ANO4: variants seen among roughly 807,000 people sequenced by gnomAD.
ANO4 encodes the protein anoctamin-4.
Under a neutral mutation model 141.9 loss-of-function variants are expected in ANO4, and 69 were observed. The observed-to-expected ratio is 0.49, with a 90% confidence interval of 0.40 to 0.59. The LOEUF (loss-of-function observed/expected upper bound fraction) is 0.59, where lower values mean the gene tolerates loss of function less well. Among genes scored for constraint, ANO4 ranks in the 20% least tolerant of loss-of-function variants. The pLI is 0.00. For missense variants in ANO4, 894 were observed against 1,162.2 expected (o/e 0.77, Z 3.36); for synonymous variants, 350 against 394.3 (o/e 0.89, Z 1.33).
intron 3 of ANO4, among the ~76,000 whole-genome samples, chr12:100,926,832 C>A (rs2041894285): frequency 6.6e-6 from 1 of 151,928 alleles, no homozygotes; most frequent in South Asian, 2.1e-4. Flanking sequence ...GAGAGATGCC[C>A]TGTAGAGGGA....
chr12:100,742,324 G>A (rs568871595), intron 3 of ANO4, among the ~76,000 whole-genome samples: 1 of 152,168 alleles, frequency 6.6e-6, no homozygotes, highest in South Asian at 2.1e-4. Context: ...GTATTTTTGT[G>A]TGAAAGCTTA....
In ANO4 at chr12:100,869,379, GT is replaced by G. The variant is rs1296225847; in HGVS notation, c.-140-32266del. Among the ~76,000 whole-genome samples the G allele has an allele frequency of 2.0e-5, 3 of 152,306 alleles. No individual in the cohort carries two copies. The East Asian group carries it at 5.8e-4, about 29-fold the overall frequency. ...AGGCAGTGAGAGGTGATAGGAATGA[GT>G]CCTGAGGGAATGACCAGCAGGTTAT... On this transcript the variant is annotated intron_variant, in intron 1 of 27. Transcript: ENST00000392977.
intron 16 of ANO4, among the ~76,000 whole-genome samples, chr12:101,085,173 A>C (rs1180190458): frequency 6.6e-6 from 1 of 152,252 alleles, no homozygotes; most frequent in Non-Finnish European, 1.5e-5. Flanking sequence ...TCTCTAAATC[A>C]GCAGAGGCCT....
At chr12:100,871,643 A>G (rs946232341) in intron 1 of ANO4, among the ~76,000 whole-genome samples, 1 of 152,222 alleles carries the variant, frequency 6.6e-6, no homozygotes, top group Non-Finnish European at 1.5e-5. Flanking sequence ...TATCTCTTGC[A>G]GTTTTGGAGG....
chr12:100,928,568 A>G (rs2041968488), intron 3 of ANO4, among the ~76,000 whole-genome samples: 1 of 152,150 alleles, frequency 6.6e-6, no homozygotes, highest in East Asian at 1.9e-4. Flanking sequence ...TCCAGAGCTC[A>G]TGCTCTTTCC....
chr12:100,817,987 C>A (rs914368798), intron 1 of ANO4, among the ~76,000 whole-genome samples: 25 of 151,530 alleles, frequency 1.6e-4, no homozygotes, highest in African/African-American at 5.8e-4. Context: ...GTGCAGAATT[C>A]ATCTAACTTT....
chr12:100,997,482 A>T (rs2045442243), intron 8 of ANO4, among the ~76,000 whole-genome samples: 2 of 151,858 alleles, frequency 1.3e-5, no homozygotes, highest in South Asian at 4.2e-4. Context: ...TTTGGAATTT[A>T]TTGTTAAAGC....
chr12:100,856,795 CAG>C (rs2038197391), intron 1 of ANO4, among the ~76,000 whole-genome samples: 1 of 151,986 alleles, frequency 6.6e-6, no homozygotes, highest in Admixed American at 6.6e-5. Flanking sequence ...ACATGTGAGG[CAG>C]AGAGTGGCAG....
intron 2 of ANO4, among the ~76,000 whole-genome samples, chr12:100,736,174 A>G (rs941290391): frequency 6.6e-6 from 1 of 152,128 alleles, no homozygotes; most frequent in Non-Finnish European, 1.5e-5. Flanking sequence ...CAGAGCTCTG[A>G]AAAGGGAGAG....
At chr12:101,008,504 G>A (rs78263693) in intron 8 of ANO4, among the ~76,000 whole-genome samples, 11 of 151,872 alleles carry the variant, frequency 7.2e-5, no homozygotes, top group African/African-American at 2.2e-4. Flanking sequence ...TCCTTTCAAC[G>A]TAGTTATATT....
chr12:100,792,732 A>G (rs2034088848), upstream of ANO4, among the ~76,000 whole-genome samples: 1 of 152,234 alleles, frequency 6.6e-6, no homozygotes, highest in East Asian at 1.9e-4. Flanking sequence ...ATGCATCATT[A>G]TAATGCTGTG....
chr12:100,944,374 TA>T (rs71437002), intron 5 of ANO4, among the ~76,000 whole-genome samples: 13 of 151,086 alleles, frequency 8.6e-5, no homozygotes, highest in South Asian at 2.1e-4. Context: ...TGTTGGAATT[TA>T]AAAAAAAAAT....
At chr12:100,750,928 G>C (rs926539432) in intron 3 of ANO4, among the ~76,000 whole-genome samples, 1 of 152,094 alleles carries the variant, frequency 6.6e-6, no homozygotes, top group Admixed American at 6.6e-5. Flanking sequence ...GTTGGGATCC[G>C]TATGTATGGT....
intron 2 of ANO4, among the ~76,000 whole-genome samples, chr12:100,909,086 T>C (rs1432746316): frequency 6.6e-6 from 1 of 152,046 alleles, no homozygotes; most frequent in Non-Finnish European, 1.5e-5. Context: ...AATCATTTAG[T>C]CCAAACAAAG....
At chr12:100,762,674 C>A (rs191528255) in intron 3 of ANO4, among the ~76,000 whole-genome samples, 1 of 152,102 alleles carries the variant, frequency 6.6e-6, no homozygotes, top group Non-Finnish European at 1.5e-5. Context: ...GCTTGGCTGG[C>A]GGAGGTCTCA....
rs570530555 is a variant in ANO4 at position 100,993,569 on chromosome 12, A to G, written c.734+5899A>G. Among the ~76,000 whole-genome samples, 4 of 152,224 alleles carry G rather than the reference A, an allele frequency of 2.6e-5. No individual in the cohort carries two copies. In the South Asian group the frequency reaches 8.3e-4, roughly 32 times the overall value. On this transcript the variant is annotated intron_variant, in intron 8 of 27. Coordinates refer to ENST00000392977, the MANE Select transcript of ANO4 (RefSeq NM_001286615.2). ...AGTTTACTTGTTCACAGCACTATCTAGTGTGGGTCACTCTGGGGGAAGGAG... is the reference window on the plus strand; with the variant it reads ...AGTTTACTTGTTCACAGCACTATCTGGTGTGGGTCACTCTGGGGGAAGGAG...
At chr12:101,088,797 G>A (rs1003954012) in intron 17 of ANO4, among the ~76,000 whole-genome samples, 30 of 151,922 alleles carry the variant, frequency 2.0e-4, no homozygotes, top group African/African-American at 7.0e-4. Context: ...CTGAGATAGG[G>A]GGATCACTTG....
rs1294033859 is a variant in ANO4, at chr12:100,919,734, A to ATCTATCTATCTATC, written c.56-2491_56-2490insCTATCTATCTATCT. Reference sequence around the variant, plus strand: ...TATGTATGTATGTATGTGTGTATGTATGTATCTATCTATCTATCTATCTAT... The same window carrying ATCTATCTATCTATC: ...TATGTATGTATGTATGTGTGTATGTATCTATCTATCTATCTGTATCTATCTATCTATCTATCTAT... On this transcript the variant is annotated intron_variant, in intron 2 of 27. Transcript: ENST00000392977. Among the ~76,000 whole-genome samples the ATCTATCTATCTATC allele has an allele frequency of 8.5e-4, 114 of 133,630 alleles. 1 individual carries two copies. The highest frequency in any genetic ancestry group is 1.5e-3 in the Non-Finnish European group (92 of 62,728). 87.7% of individuals were successfully genotyped at this position (133,630 alleles called of 152,430 possible). A position where few individuals can be genotyped will look rare whatever the true frequency, so the allele number is the denominator to read the frequency against.
At chr12:101,019,365 CGTGT>C (rs143744024) in intron 8 of ANO4, among the ~76,000 whole-genome samples, 1 of 151,360 alleles carries the variant, frequency 6.6e-6, no homozygotes, top group Non-Finnish European at 1.5e-5. Flanking sequence ...ACTGGAAAGC[CGTGT>C]GTGTGTGTGT....
Sources: gnomAD v4.1 joint callset for allele counts (sites outside exome capture counted in the v4.1 genomes callset) on GRCh38, gnomAD v4.1.1 for gene constraint, MANE v1.5 for transcripts, NCBI Gene and HGNC (gene_info 2026-07-23, HGNC 2026-07-21) for gene names.